LUC7L: variants seen among roughly 807,000 people sequenced by gnomAD.
LUC7L encodes the protein putative RNA-binding protein Luc7-like 1.
Under a neutral mutation model 51.1 loss-of-function variants are expected in LUC7L, and 29 were observed. The ratio of observed to expected loss-of-function variants is 0.57; its 90% CI spans 0.42 to 0.77. LUC7L has a LOEUF of 0.77. LUC7L is among the 30% of genes least tolerant of loss of function. LUC7L has a pLI of 0.00. For synonymous variants in LUC7L, 181 were observed against 180.7 expected (o/e 1.00, Z -0.01); for missense variants, 403 against 511.9 (o/e 0.79, Z 2.05).
chr16:224,018 A>G (rs1470265095), intron 2 of LUC7L, among the ~76,000 whole-genome samples: 1 of 152,090 alleles, frequency 6.6e-6, no homozygotes, highest in Admixed American at 6.6e-5. Context: ...CCTTTAAAAT[A>G]TATAGTTTCC....
intron 2 of LUC7L, among the ~76,000 whole-genome samples, chr16:225,629 G>A (rs113953642): frequency 0.05 from 7,467 of 150,474 alleles, 232 homozygotes; most frequent in Non-Finnish European, 0.068. Context: ...TGGGATTACA[G>A]GCATGCGCCA....
chr16:197,819 T>C (rs1222546694), intron 6 of LUC7L, among the ~76,000 whole-genome samples: 4 of 152,138 alleles, frequency 2.6e-5, no homozygotes, highest in Admixed American at 2.0e-4. Context: ...GTCCCTCCAC[T>C]ACATTTCAGG....
intron 6 of LUC7L, 33 bp from the exon 7 acceptor site, chr16:193,048 A>T: frequency 6.5e-7 from 1 of 1,547,724 alleles, no homozygotes; most frequent in African/African-American, 1.4e-5. Flanking sequence ...GAGGAAGAGC[A>T]AGTTACACAA....
chr16:203,959 T>C (rs2049406362), intron 5 of LUC7L, among the ~76,000 whole-genome samples: 1 of 151,690 alleles, frequency 6.6e-6, no homozygotes, highest in African/African-American at 2.4e-5. Context: ...GAGGTTGCAG[T>C]GAGCCGAGAT....
chr16:197,146 T>C (rs2049173497), intron 6 of LUC7L, among the ~76,000 whole-genome samples: 1 of 151,278 alleles, frequency 6.6e-6, no homozygotes, highest in Non-Finnish European at 1.5e-5. Context: ...GACCCAGTGA[T>C]CTGCCCGCCT....
intron 2 of LUC7L, among the ~76,000 whole-genome samples, chr16:226,525 G>T (rs907414353): frequency 6.6e-6 from 1 of 152,108 alleles, no homozygotes; most frequent in Non-Finnish European, 1.5e-5. Flanking sequence ...ATATTCATTA[G>T]ATAGCATGTT....
intron 5 of LUC7L, among the ~76,000 whole-genome samples, chr16:204,875 G>A (rs1364681481): frequency 6.6e-6 from 1 of 152,092 alleles, no homozygotes; most frequent in Non-Finnish European, 1.5e-5. Context: ...TTATGGTATT[G>A]CACTAAACAC....
chr16:210,146 G>A (rs952945854), intron 3 of LUC7L, among the ~76,000 whole-genome samples: 14 of 152,268 alleles, frequency 9.2e-5, no homozygotes, highest in African/African-American at 2.6e-4. Flanking sequence ...AATTAGCCAC[G>A]AGTGGTGGTG....
At chr16:208,735 A>C in intron 3 of LUC7L, 2 of 601,620 alleles carry the variant, frequency 3.3e-6, no homozygotes, top group African/African-American at 2.0e-5. Context: ...CTACTATCTA[A>C]AGTAGCAGGA....
chr16:198,209 G>A (rs1171044008), intron 6 of LUC7L, among the ~76,000 whole-genome samples: 1 of 148,948 alleles, frequency 6.7e-6, no homozygotes, highest in Non-Finnish European at 1.5e-5. Context: ...AACCTGGGAG[G>A]CGGAGCTTGC....
intron 2 of LUC7L, among the ~76,000 whole-genome samples, chr16:225,119 G>C (rs1431655427): frequency 6.6e-6 from 1 of 152,068 alleles, no homozygotes; most frequent in Non-Finnish European, 1.5e-5. Context: ...TCCACAACCT[G>C]TGTTCTCTTC....
At chr16:193,889 C>T (rs1301433788) in intron 6 of LUC7L, among the ~76,000 whole-genome samples, 1 of 150,900 alleles carries the variant, frequency 6.6e-6, no homozygotes. Context: ...CCGCAAGCTC[C>T]GCCTCCCGGG....
chr16:221,829 G>GA (rs1397724610), intron 2 of LUC7L, among the ~76,000 whole-genome samples: 5 of 152,318 alleles, frequency 3.3e-5, no homozygotes, highest in African/African-American at 1.2e-4. Flanking sequence ...AGAGGAAGAG[G>GA]AAAGAGCGGA....
chr16:228,053 A>C, intron 1 of LUC7L: 1 of 1,137,520 alleles, frequency 8.8e-7, no homozygotes, highest in South Asian at 2.0e-5. Context: ...GTTAAAGGAA[A>C]AGTTTTCTTG....
At chr16:225,386 T>G (rs973382294) in intron 2 of LUC7L, among the ~76,000 whole-genome samples, 1 of 151,092 alleles carries the variant, frequency 6.6e-6, no homozygotes, top group African/African-American at 2.4e-5. Flanking sequence ...CTCGGGAGGC[T>G]GAGGCAAGAG....
In LUC7L at chr16:227,460, C is replaced by T. The variant is rs1452592278; in HGVS notation, c.62-124G>A. ...ATTTCTGTGTTCTCCCCATCAAATGCAATGAAAAGCTGATCTAAAGATATT... is the reference window on the plus strand; with the variant it reads ...ATTTCTGTGTTCTCCCCATCAAATGTAATGAAAAGCTGATCTAAAGATATT... On this transcript the variant is annotated intron_variant, in intron 1 of 9. Transcript: ENST00000293872. 5 of 1,472,532 alleles carry T rather than the reference C, an allele frequency of 3.4e-6. No individual in the cohort carries two copies. In the African/African-American group the frequency reaches 7.1e-5, roughly 21 times the overall value. 91.2% of individuals were successfully genotyped at this position (1,472,532 alleles called of 1,614,324 possible). A position where few individuals can be genotyped will look rare whatever the true frequency, so the allele number is the denominator to read the frequency against.
chr16:202,481 G>A (rs1400093149), intron 5 of LUC7L, among the ~76,000 whole-genome samples: 2 of 151,992 alleles, frequency 1.3e-5, no homozygotes, highest in Non-Finnish European at 2.9e-5. Flanking sequence ...TATTTTTACT[G>A]TACCTTTTCT....
chr16:197,624 G>A (rs2049188695), intron 6 of LUC7L, among the ~76,000 whole-genome samples: 1 of 152,194 alleles, frequency 6.6e-6, no homozygotes, highest in South Asian at 2.1e-4. Context: ...TTCAAGACCA[G>A]TGGCCGAGAA....
chr16:206,284 T>C (rs2049481860), intron 4 of LUC7L, 137 bp from the exon 5 acceptor site: 1 of 783,008 alleles, frequency 1.3e-6, no homozygotes. Flanking sequence ...AATGAAGGCA[T>C]CCTTACTGCC....
Sources: allele counts gnomAD v4.1 joint callset (sites outside exome capture counted in the v4.1 genomes callset), GRCh38; gene constraint gnomAD v4.1.1; transcripts MANE v1.5; gene names NCBI Gene and HGNC (gene_info 2026-07-23, HGNC 2026-07-21).